FBN2: variants seen among roughly 807,000 people sequenced by gnomAD.
FBN2 encodes fibrillin 2.
FBN2 carries 105 observed loss-of-function variants against 355.6 expected under a neutral mutation model. The observed-to-expected ratio is 0.30, with a 90% CI of 0.25 to 0.35. The LOEUF is 0.35. Ranked by LOEUF, FBN2 falls within the 10% of genes least tolerant of loss-of-function variation. The pLI is 1.00. For missense variants in FBN2, 3,280 were observed against 3,758.7 expected, an observed-to-expected ratio of 0.87 and a Z score of 3.33; for synonymous variants, 1,350 against 1,301.2, an observed-to-expected ratio of 1.04 and a Z score of -0.81.
chr5:128,479,998 ATATATATATATATATATATATATATG>A (rs1177253098), intron 5 of FBN2, among the ~76,000 whole-genome samples: 3 of 66,838 alleles, frequency 4.5e-5, no homozygotes, highest in African/African-American at 2.3e-4. Flanking sequence ...ATATATATAT[ATATATATATATATATATATATATATG>A]TATATACACA....
chr5:128,390,743 T>A (rs968968079), intron 11 of FBN2, among the ~76,000 whole-genome samples: 7 of 152,200 alleles, frequency 4.6e-5, no homozygotes, highest in African/African-American at 1.7e-4. Flanking sequence ...GACTGACAAA[T>A]TATAGTTATT....
At chr5:128,324,883 T>C (rs1561770862) in intron 34 of FBN2, among the ~76,000 whole-genome samples, 1 of 152,174 alleles carries the variant, frequency 6.6e-6, no homozygotes, top group Non-Finnish European at 1.5e-5. Context: ...CCTCCCAAAG[T>C]GTTAGGATTA....
intron 48 of FBN2, among the ~76,000 whole-genome samples, chr5:128,297,267 A>C (rs1561755199): frequency 6.6e-6 from 1 of 152,124 alleles, no homozygotes; most frequent in Non-Finnish European, 1.5e-5. Flanking sequence ...GTATGTGGTC[A>C]ATTTTGGAAT....
chr5:128,390,354 CAT>C (rs1181705805), intron 11 of FBN2, among the ~76,000 whole-genome samples: 1 of 151,970 alleles, frequency 6.6e-6, no homozygotes, highest in Non-Finnish European at 1.5e-5. Context: ...TTTTCACAAT[CAT>C]ATTAAGATGC....
intron 7 of FBN2, among the ~76,000 whole-genome samples, chr5:128,427,367 C>T (rs1581283909): frequency 6.6e-6 from 1 of 152,122 alleles, no homozygotes; most frequent in East Asian, 1.9e-4. Flanking sequence ...TCTATAGAAA[C>T]TAAATATAGC....
chr5:128,317,937 C>A (rs180709299), intron 36 of FBN2, among the ~76,000 whole-genome samples: 2 of 152,306 alleles, frequency 1.3e-5, no homozygotes, highest in East Asian at 3.9e-4. Flanking sequence ...AGACCTTGAA[C>A]AAATTACTGC....
At position 128,530,581 on chromosome 5, in the gene FBN2, A is replaced by G. The variant is rs751704076; in HGVS notation, c.436+14T>C. The G allele has an allele frequency of 1.2e-5, 19 of 1,576,132 alleles. No homozygotes were observed. The highest frequency in any genetic ancestry group is 2.2e-5 in the East Asian group (1 of 44,664). Reference sequence around the variant, plus strand: ...AGAAAAATGCAGTGAAAAGGCCACAAGTAAGAAACATACTTGATTTTGATC... The same window carrying G: ...AGAAAAATGCAGTGAAAAGGCCACAGGTAAGAAACATACTTGATTTTGATC... On this transcript the variant is annotated intron_variant, in intron 3 of 64. Transcript: ENST00000262464.
Position 128,370,610 on chromosome 5 carries a change from A to G in FBN2, c.2096-1276T>C, listed in dbSNP as rs1751907597. ...TTGACTTGAAGGCAAATTTGCACAA[A>G]TATAACATGGTTCATCATTTCCAAT... On this transcript the variant is annotated intron_variant, in intron 15 of 64. Coordinates refer to ENST00000262464, the MANE Select transcript of FBN2 (RefSeq NM_001999.4). 2.0e-5 allele frequency among the ~76,000 whole-genome samples: 3 copies of G among 152,146 alleles called. No individual in the cohort carries two copies. The South Asian group carries it at 6.2e-4, about 32-fold the overall frequency.
intron 32 of FBN2, among the ~76,000 whole-genome samples, chr5:128,331,447 G>A (rs1445032441): frequency 6.6e-6 from 1 of 152,172 alleles, no homozygotes; most frequent in Non-Finnish European, 1.5e-5. Context: ...AAAGCAGAAT[G>A]CACCAGACAG....
chr5:128,337,683 G>A (rs901198935), intron 27 of FBN2, among the ~76,000 whole-genome samples: 3 of 152,182 alleles, frequency 2.0e-5, no homozygotes, highest in Non-Finnish European at 4.4e-5. Context: ...GGTGCACAAC[G>A]CACACAGTAG....
At position 128,450,688 on chromosome 5, in the gene FBN2, A is replaced by G. The variant is rs572512070; in HGVS notation, c.827-4082T>C. ...AAATGGAATCAATAAAATAATGATG[A>G]TAAAATACAAAAAAATAGAGATAAT... On this transcript the variant is annotated intron_variant, in intron 6 of 64. Transcript: ENST00000262464. Among the ~76,000 whole-genome samples, 77 of 152,202 alleles carry G rather than the reference A, an allele frequency of 5.1e-4. 1 individual carries two copies. In the South Asian group the frequency reaches 0.011, roughly 22 times the overall value.
rs1300322139 is a variant in FBN2, at chr5:128,274,568, G to A, written c.7710C>T (p.Ile2570=). The change falls in exon 60 of 65, where the codon ATC becomes ATT. Residue 2570 remains isoleucine (I), a splice_region_variant and synonymous_variant. Transcript: ENST00000262464. ...PGFTQHHTAC[I]DNNECGSQPS... is the part of the protein sequence containing the mutation. ...TTCCCATTTGTAACTTTGTCTTACC[G>A]ATACAAGCAGTGTGATGCTGTGTGA... The A allele has an allele frequency of 7.0e-6, 11 of 1,564,474 alleles. No individual in the cohort carries two copies. Among genetic ancestry groups the A allele is most frequent in the Non-Finnish European group, 8.8e-6 (10 of 1,134,874 alleles).
chr5:128,537,865 G>T lies in FBN2; in HGVS notation c.-262C>A. 3.6e-6 allele frequency: 2 copies of T among 559,502 alleles called. No homozygotes were observed. Among genetic ancestry groups the T allele is most frequent in the Non-Finnish European group, 6.4e-6 (2 of 313,726 alleles). 34.7% of individuals were successfully genotyped at this position (559,502 alleles called of 1,614,324 possible). On this transcript the variant is annotated 5_prime_UTR_variant, in exon 1 of 65. Transcript: ENST00000262464. Reference sequence around the variant, plus strand: ...GAGGTGCAGCCGGCAGCCCCGAGCGGTACACGTTGCATAACCGGCCTAAAG... The same window carrying T: ...GAGGTGCAGCCGGCAGCCCCGAGCGTTACACGTTGCATAACCGGCCTAAAG...
chr5:128,388,969 A>G (rs1185464212), intron 11 of FBN2, among the ~76,000 whole-genome samples: 1 of 152,170 alleles, frequency 6.6e-6, no homozygotes, highest in African/African-American at 2.4e-5. Context: ...TGTTTCAGGG[A>G]TGCCAATGAG....
chr5:128,349,587 ACTTGAGT>A, intron 22 of FBN2, 115 bp from the exon 23 acceptor site: 1 of 1,266,602 alleles, frequency 7.9e-7, no homozygotes, highest in East Asian at 2.5e-5. Flanking sequence ...GTGGATTATT[ACTTGAGT>A]TAAACAGAAA....
intron 2 of FBN2, among the ~76,000 whole-genome samples, chr5:128,533,962 A>G (rs1215117490): frequency 6.6e-6 from 1 of 152,168 alleles, no homozygotes; most frequent in Non-Finnish European, 1.5e-5. Flanking sequence ...AACTAAGCAC[A>G]ATACCAACAA....
intron 7 of FBN2, among the ~76,000 whole-genome samples, chr5:128,413,129 G>C (rs947012650): frequency 3.3e-5 from 5 of 152,176 alleles, no homozygotes; most frequent in Admixed American, 2.6e-4. Context: ...CTAATCTACA[G>C]AGCTAAAAAT....
At chr5:128,420,147 T>G (rs2127014882) in intron 7 of FBN2, among the ~76,000 whole-genome samples, 1 of 152,332 alleles carries the variant, frequency 6.6e-6, no homozygotes, top group Admixed American at 6.5e-5. Context: ...AATTCTTATT[T>G]TACTTGGGAG....
intron 34 of FBN2, chr5:128,328,207 C>A: frequency 8.9e-6 from 2 of 224,922 alleles, no homozygotes; most frequent in Non-Finnish European, 8.9e-6. Context: ...AATAAGGAAC[C>A]ACTAGTATTA....
Sources: allele counts gnomAD v4.1 joint callset (sites outside exome capture counted in the v4.1 genomes callset), GRCh38; gene constraint gnomAD v4.1.1; transcripts MANE v1.5; gene names NCBI Gene and HGNC (gene_info 2026-07-23, HGNC 2026-07-21).